The following FOCAD variants were observed in gnomAD, a reference collection of about 807,000 sequenced individuals.
FOCAD encodes the protein focadhesin, also known as KIAA1797.
FOCAD carries 198 observed loss-of-function variants against 225.6 expected under a neutral mutation model. The observed-to-expected ratio is 0.88, with a 90% CI of 0.78 to 0.99. The LOEUF (loss-of-function observed/expected upper bound fraction) is 0.99, where lower values mean the gene tolerates loss of function less well. Ranked by LOEUF, FOCAD falls within the 50% of genes least tolerant of loss-of-function variation. The pLI, the probability that FOCAD is intolerant of heterozygous loss-of-function variation, is 0.00. For missense variants in FOCAD, 2,713 were observed against 2,123.6 expected (o/e 1.28, Z -5.46); for synonymous variants, 897 against 755.0 (o/e 1.19, Z -3.08).
chr9:20,817,515 C>T (rs1017130594), intron 11 of FOCAD, among the ~76,000 whole-genome samples: 1 of 151,982 alleles, frequency 6.6e-6, no homozygotes, highest in Non-Finnish European at 1.5e-5. Flanking sequence ...TGTATCAGTA[C>T]TTCCTTTATT....
chr9:20,795,251 A>C (rs924557633), intron 11 of FOCAD, among the ~76,000 whole-genome samples: 4 of 152,208 alleles, frequency 2.6e-5, no homozygotes, highest in African/African-American at 9.6e-5. Flanking sequence ...AAAATTTCCA[A>C]ATAATATAAC....
intron 8 of FOCAD, among the ~76,000 whole-genome samples, chr9:20,778,269 G>A (rs1279734540): frequency 6.6e-6 from 1 of 151,760 alleles, no homozygotes; most frequent in Non-Finnish European, 1.5e-5. Context: ...TTTTGAGATG[G>A]AATCTCGCTC....
chr9:20,752,718 G>C (rs1489497982), intron 5 of FOCAD, among the ~76,000 whole-genome samples: 2 of 152,058 alleles, frequency 1.3e-5, no homozygotes, highest in Non-Finnish European at 2.9e-5. Context: ...AGCTTGCTGG[G>C]GATGGCATTG....
chr9:20,983,960 C>A (rs1840936339), intron 39 of FOCAD, among the ~76,000 whole-genome samples: 1 of 152,104 alleles, frequency 6.6e-6, no homozygotes, highest in Non-Finnish European at 1.5e-5. Context: ...TAAAGTATGT[C>A]ATTTACTTCT....
intron 11 of FOCAD, among the ~76,000 whole-genome samples, chr9:20,791,015 C>A (rs1050528835): frequency 1.3e-5 from 2 of 152,096 alleles, no homozygotes; most frequent in Admixed American, 6.6e-5. Flanking sequence ...CTTTATCTCT[C>A]CTTTTATTTC....
intron 8 of FOCAD, among the ~76,000 whole-genome samples, chr9:20,770,815 AAAAG>A (rs1818140680): frequency 6.6e-6 from 1 of 152,222 alleles, no homozygotes; most frequent in Non-Finnish European, 1.5e-5. Flanking sequence ...ATTTATTAGA[AAAAG>A]AAATCATTAA....
intron 1 of FOCAD, among the ~76,000 whole-genome samples, chr9:20,700,879 G>C (rs946053590): frequency 4.6e-5 from 7 of 152,186 alleles, no homozygotes; most frequent in African/African-American, 1.2e-4. Context: ...TTCCATGCCA[G>C]ACCCTGAAGG....
chr9:20,829,746 C>T lies in FOCAD; in HGVS notation c.1920+6631C>T, dbSNP rs182367925. 2.7e-4 allele frequency among the ~76,000 whole-genome samples: 41 copies of T among 152,216 alleles called. 1 individual carries two copies. The highest frequency in any genetic ancestry group is 7.7e-4 in the African/African-American group (32 of 41,564). On this transcript the variant is annotated intron_variant, in intron 15 of 43. Coordinates refer to ENST00000338382, the MANE Select transcript of FOCAD (RefSeq NM_001375567.1). The stretch of plus-strand genomic sequence containing the variant: ...AGAGATCAGATGAACATATATCATG[C>T]TCTTCTTTGCTACTTTGTTCACATG...
At position 20,821,048 on chromosome 9, in the gene FOCAD, A is replaced by C; in HGVS notation, c.1770A>C (p.Ser590=). The change falls in exon 14 of 44, where the codon TCA becomes TCC. Residue 590 remains serine (S), a synonymous_variant. Coordinates refer to ENST00000338382, the MANE Select transcript of FOCAD (RefSeq NM_001375567.1). ...AGAAACTGATTGCAAAAGCAGCATC[A>C]ATCAGAGATATATGTAAGCAGAGGT... ...QWEKLIAKAA[S]IRDICKQRPY... The C allele has an allele frequency of 4.3e-6, 7 of 1,612,694 alleles. No individual in the cohort carries two copies. The highest frequency in any genetic ancestry group is 5.9e-6 in the Non-Finnish European group (7 of 1,179,066).
chr9:20,720,611 T>G, intron 4 of FOCAD, 77 bp downstream of exon 4: 2 of 1,398,044 alleles, frequency 1.4e-6, no homozygotes, highest in Non-Finnish European at 2.0e-6. Context: ...CTATTAAGAG[T>G]CAGCATTCAT....
chr9:20,872,498 C>G (rs932983504), intron 18 of FOCAD, among the ~76,000 whole-genome samples: 3 of 147,890 alleles, frequency 2.0e-5, no homozygotes, highest in Non-Finnish European at 4.5e-5. Flanking sequence ...CCCCACCCCC[C>G]CTTACTCTTT....
At chr9:20,948,125 A>AAT in intron 30 of FOCAD, 146 bp from the exon 31 acceptor site, 2 of 630,052 alleles carry the variant, frequency 3.2e-6, no homozygotes, top group Non-Finnish European at 4.7e-6. Flanking sequence ...ACAAAAAAAC[A>AAT]CTTAAGTCTG....
At chr9:20,942,120 A>G (rs1459662548) in intron 28 of FOCAD, among the ~76,000 whole-genome samples, 1 of 152,250 alleles carries the variant, frequency 6.6e-6, no homozygotes, top group East Asian at 1.9e-4. Flanking sequence ...ATGTATATAC[A>G]TACACTGTTA....
intron 2 of FOCAD, among the ~76,000 whole-genome samples, chr9:20,664,477 C>A (rs1057054285): frequency 6.6e-6 from 1 of 151,506 alleles, no homozygotes; most frequent in Non-Finnish European, 1.5e-5. Flanking sequence ...ACAAGTAGGG[C>A]TTCATCAGTC....
At position 20,828,031 on chromosome 9, in the gene FOCAD, G is replaced by A. The variant is rs545040055; in HGVS notation, c.1920+4916G>A. On this transcript the variant is annotated intron_variant, in intron 15 of 43. Coordinates refer to ENST00000338382, the MANE Select transcript of FOCAD (RefSeq NM_001375567.1). Reference sequence around the variant, plus strand: ...TATAAAAATATGAAAAATTAGCTGGGCATGGTGGCACACACCTGTTGTCCC... The same window carrying A: ...TATAAAAATATGAAAAATTAGCTGGACATGGTGGCACACACCTGTTGTCCC... Among the ~76,000 whole-genome samples the A allele has an allele frequency of 5.3e-5, 8 of 151,910 alleles. No homozygotes were observed. The South Asian group carries it at 1.7e-3, about 32-fold the overall frequency.
chr9:20,739,832 G>T (rs985079839), intron 4 of FOCAD, among the ~76,000 whole-genome samples: 1 of 151,854 alleles, frequency 6.6e-6, no homozygotes, highest in African/African-American at 2.4e-5. Context: ...TGCTTCCCTG[G>T]CCCACTTTTT....
At chr9:20,945,688 A>T (rs981055687) in intron 29 of FOCAD, among the ~76,000 whole-genome samples, 3 of 152,208 alleles carry the variant, frequency 2.0e-5, no homozygotes, top group Non-Finnish European at 4.4e-5. Flanking sequence ...CCTAGGAGCA[A>T]ATTAATTATA....
At chr9:20,671,362 A>G (rs1410968393) in intron 2 of FOCAD, among the ~76,000 whole-genome samples, 4 of 152,318 alleles carry the variant, frequency 2.6e-5, no homozygotes, top group Non-Finnish European at 4.4e-5. Flanking sequence ...CACTTCTCCA[A>G]TTATTGTGTG....
chr9:20,942,173 A>G (rs1836727730), intron 28 of FOCAD, among the ~76,000 whole-genome samples: 1 of 152,252 alleles, frequency 6.6e-6, no homozygotes, highest in East Asian at 1.9e-4. Context: ...CCGCTGTAGC[A>G]ATGAATAGAA....
Sources: allele counts gnomAD v4.1 joint callset (sites outside exome capture counted in the v4.1 genomes callset), GRCh38; gene constraint gnomAD v4.1.1; transcripts MANE v1.5; gene names NCBI Gene and HGNC (gene_info 2026-07-23, HGNC 2026-07-21).